DRC11: variants seen among roughly 807,000 people sequenced by gnomAD.
The protein encoded by DRC11 is dynein regulatory complex subunit 11, also known as IQ and AAA domain-containing protein 1.
chr2:236,505,399 C>T, the DRC11 span, among the ~76,000 whole-genome samples: 1 of 152,102 alleles, frequency 6.6e-6, no homozygotes, highest in Non-Finnish European at 1.5e-5. Context: ...CTGTCTTCTT[C>T]CCCAAATACT....
chr2:236,352,199 G>A, the DRC11 span, among the ~76,000 whole-genome samples: 1 of 152,090 alleles, frequency 6.6e-6, no homozygotes, highest in Non-Finnish European at 1.5e-5. This position sits in a 1 kb window ranked among gnomAD's most constrained non-coding sequence, Gnocchi z 7.0. Context: ...ATGAGCAGGA[G>A]GGGGGCGGCC....
the DRC11 span, among the ~76,000 whole-genome samples, chr2:236,387,523 TCCTC>T: frequency 6.6e-6 from 1 of 152,096 alleles, no homozygotes; most frequent in Admixed American, 6.6e-5. Context: ...TGGTAGATCT[TCCTC>T]CATCCTTTTA....
chr2:236,380,883 A>C, the DRC11 span, among the ~76,000 whole-genome samples: 1 of 152,202 alleles, frequency 6.6e-6, no homozygotes, highest in Non-Finnish European at 1.5e-5. The surrounding 1 kb of genome is among the most constrained non-coding windows in gnomAD (Gnocchi z 4.9). Context: ...GCACAGGGCC[A>C]AATTCCAAAC....
At chr2:236,461,631 G>A in the DRC11 span, among the ~76,000 whole-genome samples, 58 of 152,296 alleles carry the variant, frequency 3.8e-4, no homozygotes, top group African/African-American at 1.4e-3. This position sits in a 1 kb window ranked among gnomAD's most constrained non-coding sequence, Gnocchi z 4.0. Context: ...GTGAGCAGTG[G>A]TTACAGCCTG....
the DRC11 span, among the ~76,000 whole-genome samples, chr2:236,459,572 T>TATACATACGTATATACGTATACGTATAC: frequency 8.0e-5 from 11 of 137,086 alleles, no homozygotes; most frequent in African/African-American, 1.0e-4. Context: ...TATATATGTG[T>TATACATACGTATATACGTATACGTATAC]ATACATACGT....
chr2:236,313,751 C>T, the DRC11 span, among the ~76,000 whole-genome samples: 6 of 152,172 alleles, frequency 3.9e-5, no homozygotes, highest in Non-Finnish European at 7.4e-5. The surrounding 1 kb of genome is among the most constrained non-coding windows in gnomAD (Gnocchi z 4.5). Context: ...ACCTTTAATA[C>T]ATGCAACAAC....
the DRC11 span, among the ~76,000 whole-genome samples, chr2:236,374,427 T>C: frequency 1.3e-5 from 2 of 152,198 alleles, no homozygotes; most frequent in African/African-American, 4.8e-5. Context: ...ACTTAGAGTC[T>C]GTATGAATTT....
At chr2:236,464,433 C>T in the DRC11 span, among the ~76,000 whole-genome samples, 1 of 152,144 alleles carries the variant, frequency 6.6e-6, no homozygotes, top group Non-Finnish European at 1.5e-5. Flanking sequence ...CTTTTCTTCC[C>T]TTCTTGAAAT....
chr2:236,317,359 T>G, the DRC11 span, among the ~76,000 whole-genome samples: 2 of 151,834 alleles, frequency 1.3e-5, no homozygotes, highest in South Asian at 2.1e-4. The surrounding 1 kb of genome is among the most constrained non-coding windows in gnomAD (Gnocchi z 5.4). Context: ...GTATGGCATC[T>G]ACAAGGAGAT....
the DRC11 span, among the ~76,000 whole-genome samples, chr2:236,437,276 A>C: frequency 1.5e-5 from 2 of 133,968 alleles, no homozygotes; most frequent in Non-Finnish European, 3.2e-5. Flanking sequence ...TGAACTCATC[A>C]TTTTTTATGG....
At chr2:236,403,263 C>T in the DRC11 span, among the ~76,000 whole-genome samples, 3 of 151,858 alleles carry the variant, frequency 2.0e-5, no homozygotes, top group Admixed American at 6.6e-5. Context: ...GTTCGGCAGC[C>T]GTGAGGACTG....
At chr2:236,339,276 T>C in the DRC11 span, among the ~76,000 whole-genome samples, 1 of 152,340 alleles carries the variant, frequency 6.6e-6, no homozygotes, top group Non-Finnish European at 1.5e-5. Flanking sequence ...CTTTTTATTA[T>C]TGAGTTGTAA....
the DRC11 span, among the ~76,000 whole-genome samples, chr2:236,378,887 G>C: frequency 2.0e-5 from 3 of 152,140 alleles, no homozygotes; most frequent in Non-Finnish European, 4.4e-5. Context: ...GCAGCAGTCA[G>C]CCACAGCATC....
chr2:236,462,150 G>A, the DRC11 span, among the ~76,000 whole-genome samples: 1 of 152,094 alleles, frequency 6.6e-6, no homozygotes, highest in Non-Finnish European at 1.5e-5. The surrounding 1 kb of genome is among the most constrained non-coding windows in gnomAD (Gnocchi z 6.4). Context: ...TGGGGCTGAT[G>A]GTAGCAAAAT....
the DRC11 span, chr2:236,363,967 A>C: frequency 1.9e-6 from 3 of 1,613,718 alleles, no homozygotes; most frequent in Non-Finnish European, 2.5e-6. The surrounding 1 kb of genome is among the most constrained non-coding windows in gnomAD (Gnocchi z 5.6). Flanking sequence ...TTTCTCATGC[A>C]CTGCTGCAGA....
the DRC11 span, among the ~76,000 whole-genome samples, chr2:236,404,161 T>TAAAAAA: frequency 3.0e-4 from 27 of 90,938 alleles, no homozygotes; most frequent in Non-Finnish European, 3.7e-4. Flanking sequence ...AATGGAGAGT[T>TAAAAAA]AAAAAAAAAA....
the DRC11 span, among the ~76,000 whole-genome samples, chr2:236,398,502 C>A: frequency 6.6e-6 from 1 of 152,222 alleles, no homozygotes; most frequent in Admixed American, 6.5e-5. The surrounding 1 kb of genome is among the most constrained non-coding windows in gnomAD (Gnocchi z 6.2). Flanking sequence ...CCACGAATGA[C>A]TGCCATTTGG....
At chr2:236,401,602 AAC>A in the DRC11 span, among the ~76,000 whole-genome samples, 1 of 152,258 alleles carries the variant, frequency 6.6e-6, no homozygotes, top group Non-Finnish European at 1.5e-5. This position sits in a 1 kb window ranked among gnomAD's most constrained non-coding sequence, Gnocchi z 4.6. Context: ...GAAAGGAGCG[AAC>A]ACAGACACGG....
chr2:236,506,796 G>A, the DRC11 span, among the ~76,000 whole-genome samples: 1 of 152,198 alleles, frequency 6.6e-6, no homozygotes, highest in African/African-American at 2.4e-5. This position sits in a 1 kb window ranked among gnomAD's most constrained non-coding sequence, Gnocchi z 4.9. Flanking sequence ...ACTTCTTTCA[G>A]TACCAATGCC....
Sources: allele counts gnomAD v4.1 joint callset (sites outside exome capture counted in the v4.1 genomes callset), GRCh38; gene constraint gnomAD v4.1.1; non-coding constraint Gnocchi (gnomAD v3.1); transcripts MANE v1.5; gene names NCBI Gene and HGNC (gene_info 2026-07-23, HGNC 2026-07-21).